DOP1B: variants seen among roughly 807,000 people sequenced by gnomAD.
DOP1B encodes protein DOP1B.
In DOP1B, 174 loss-of-function variants were observed where a neutral mutation model predicts 233.5. The ratio of observed to expected loss-of-function variants is 0.75; its 90% CI spans 0.66 to 0.85. The LOEUF is 0.85. Ranked by LOEUF, DOP1B falls within the 40% of genes least tolerant of loss-of-function variation. DOP1B has a pLI of 0.00. For synonymous variants in DOP1B, 1,190 were observed against 1,185.6 expected, an observed-to-expected ratio of 1.00 and a Z score of -0.08; for missense variants, 2,652 against 2,846.6, an observed-to-expected ratio of 0.93 and a Z score of 1.56.
In DOP1B at chr21:36,214,757, G is replaced by T. The variant is rs183438870; in HGVS notation, c.1129+201G>T. Among the ~76,000 whole-genome samples, 5 of 152,308 alleles carry T rather than the reference G, an allele frequency of 3.3e-5. No homozygotes were observed. In the East Asian group the frequency reaches 9.6e-4, roughly 29 times the overall value. On this transcript the variant is annotated intron_variant, in intron 9 of 36. Coordinates refer to ENST00000691173, the MANE Select transcript of DOP1B (RefSeq NM_001320714.2). ...AAGTTTTGCATGGCTGGGCGCAGTG[G>T]CTCATGCCTGTAATCCTAGCACTTT... is the stretch of plus-strand genomic sequence containing the variant.
At position 36,294,163 on chromosome 21, in the gene DOP1B, T is replaced by C. The variant is rs1181545419; in HGVS notation, c.*592T>C. The C allele has an allele frequency of 6.5e-6, 1 of 152,928 alleles. No homozygotes were observed. 9.5% of individuals were successfully genotyped at this position (152,928 alleles called of 1,614,324 possible). On this transcript the variant is annotated 3_prime_UTR_variant, in exon 37 of 37. Coordinates refer to ENST00000691173, the MANE Select transcript of DOP1B (RefSeq NM_001320714.2). ...TGTAATATGAAGTAAAGTATGAAGA[T>C]AATGAAGAAGTTGTTTTCTTTGTTG... is the stretch of plus-strand genomic sequence containing the variant.
chr21:36,251,096 T>C (rs2067027282), intron 21 of DOP1B, 66 bp from the exon 22 acceptor site: 1 of 1,556,040 alleles, frequency 6.4e-7, no homozygotes, highest in Non-Finnish European at 8.7e-7. Flanking sequence ...GCAGTGGTGG[T>C]TCAATGTATA....
At chr21:36,214,228 G>T (rs1213934557) in intron 8 of DOP1B, 38 bp downstream of exon 8, 1 of 1,532,514 alleles carries the variant, frequency 6.5e-7, no homozygotes, top group East Asian at 2.2e-5. Flanking sequence ...GGTATCCTTG[G>T]TGACGATTCT....
chr21:36,234,309 G>T (rs1223812393), intron 15 of DOP1B, among the ~76,000 whole-genome samples: 2 of 152,138 alleles, frequency 1.3e-5, no homozygotes, highest in Non-Finnish European at 2.9e-5. Flanking sequence ...TCAGAGATCA[G>T]AAAATTTGGC....
At chr21:36,261,546 G>A (rs1465771887) in intron 24 of DOP1B, 2 of 985,354 alleles carry the variant, frequency 2.0e-6, no homozygotes, top group Non-Finnish European at 2.4e-6. Context: ...TGAAAAAGAA[G>A]CTTTACTGGA....
chr21:36,274,054 G>A (rs1183507533), intron 27 of DOP1B, among the ~76,000 whole-genome samples: 1 of 152,042 alleles, frequency 6.6e-6, no homozygotes, highest in African/African-American at 2.4e-5. Flanking sequence ...CTCCAGCCTA[G>A]GCAACAGAGA....
At chr21:36,262,626 G>T (rs548302785) in intron 24 of DOP1B, among the ~76,000 whole-genome samples, 1 of 152,176 alleles carries the variant, frequency 6.6e-6, no homozygotes, top group East Asian at 1.9e-4. Flanking sequence ...GGTGGCTCAC[G>T]CTTGTAATCC....
intron 26 of DOP1B, among the ~76,000 whole-genome samples, chr21:36,267,603 G>A (rs1382469050): frequency 6.7e-6 from 1 of 149,298 alleles, no homozygotes; most frequent in African/African-American, 2.5e-5. Context: ...CTTGAGCCCA[G>A]GAGGTCGAGG....
At chr21:36,267,951 G>T (rs759558432) in intron 26 of DOP1B, among the ~76,000 whole-genome samples, 4 of 152,150 alleles carry the variant, frequency 2.6e-5, no homozygotes, top group Non-Finnish European at 4.4e-5. Flanking sequence ...GTCTAACAAA[G>T]ATCACATACT....
intron 2 of DOP1B, among the ~76,000 whole-genome samples, chr21:36,165,432 A>C (rs936401588): frequency 2.0e-5 from 3 of 152,090 alleles, no homozygotes; most frequent in African/African-American, 7.2e-5. Flanking sequence ...ACGTGTGTGC[A>C]TGTGTGTGTA....
Position 36,245,570 on chromosome 21 carries a change from A to G in DOP1B, c.3590A>G (p.Glu1197Gly), listed in dbSNP as rs201250977. 1 of 1,613,478 alleles carries G rather than the reference A, an allele frequency of 6.2e-7. No individual in the cohort carries two copies. Among genetic ancestry groups the G allele is most frequent in the East Asian group, 2.2e-5 (1 of 44,870 alleles). The stretch of plus-strand genomic sequence containing the variant: ...TCTGAGTCGTTCTCCAGCGACGAGG[A>G]GGCGGACTTGGAGCTCCAGGCCCTC... ...QASESFSSDE[E>G]ADLELQALTT... The change falls in exon 19 of 37, where the codon GAG becomes GGG. Residue 1197 changes from glutamate to glycine, a missense_variant. This residue lies in a region of DOP1B where 2,617 missense variants were observed against 2,794.3 expected (regional missense o/e 0.94). Transcript: ENST00000691173. This position sits in a 1 kb window ranked among gnomAD's most constrained non-coding sequence, Gnocchi z 5.5.
At position 36,289,067 on chromosome 21, in the gene DOP1B, A is replaced by G. The variant is rs1291373420; in HGVS notation, c.6376A>G (p.Thr2126Ala). 6.2e-7 allele frequency: 1 copy of G among 1,612,326 alleles called. No homozygotes were observed. The highest frequency in any genetic ancestry group is 1.7e-5 in the Admixed American group (1 of 59,428). The change falls in exon 35 of 37, where the codon ACG (threonine) becomes GCG (alanine). Residue 2126 changes from threonine (T) to alanine (A), a missense_variant. Transcript: ENST00000691173. Reference sequence around the variant, plus strand: ...TAGAAGCACCAACAAAGTAAACAGAACGAAAGTTTCAGTCCCGGATGCAAA... The same window carrying G: ...TAGAAGCACCAACAAAGTAAACAGAGCGAAAGTTTCAGTCCCGGATGCAAA... ...SLRSTNKVNR[T>A]KVSVPDANGP...
Position 36,237,158 on chromosome 21 carries a change from G to A in DOP1B, c.2623-104G>A. The A allele has an allele frequency of 2.8e-6, 4 of 1,451,452 alleles. No homozygotes were observed. In the South Asian group the frequency reaches 3.7e-5, roughly 13 times the overall value. The allele number at this position is 1,451,452 out of a possible 1,614,324, so 89.9% of individuals were successfully genotyped here. ...GGAGGATTCTCACATGGCAAGTATA[G>A]GTGAGATCCAGTATGTCGGGGCTGG... On this transcript the variant is annotated intron_variant, in intron 15 of 36. Transcript: ENST00000691173.
intron 26 of DOP1B, 151 bp from the exon 27 acceptor site, chr21:36,269,862 T>G (rs1317695469): frequency 9.2e-6 from 7 of 764,520 alleles, no homozygotes; most frequent in Non-Finnish European, 1.3e-5. Flanking sequence ...TGTTTATTTT[T>G]ACCTTCAATG....
chr21:36,236,573 G>C (rs1330275390), intron 15 of DOP1B, among the ~76,000 whole-genome samples: 1 of 152,024 alleles, frequency 6.6e-6, no homozygotes, highest in Non-Finnish European at 1.5e-5. Context: ...TGCCTGCTCG[G>C]CACCTGCCTG....
chr21:36,171,717 A>G (rs1393525430), intron 2 of DOP1B, among the ~76,000 whole-genome samples: 1 of 152,170 alleles, frequency 6.6e-6, no homozygotes, highest in East Asian at 1.9e-4. Context: ...TGACACCTTG[A>G]TTTCAGACTT....
At chr21:36,168,617 C>T (rs895246919) in intron 2 of DOP1B, among the ~76,000 whole-genome samples, 1 of 151,940 alleles carries the variant, frequency 6.6e-6, no homozygotes, top group Non-Finnish European at 1.5e-5. Flanking sequence ...ACCTCCACCT[C>T]CTGGGTTCAA....
intron 2 of DOP1B, among the ~76,000 whole-genome samples, chr21:36,167,161 G>A (rs970666494): frequency 2.0e-5 from 3 of 152,036 alleles, no homozygotes; most frequent in African/African-American, 7.2e-5. Context: ...TCTAAGAACA[G>A]CCTACTTTTT....
chr21:36,169,092 C>A, intron 2 of DOP1B: 1 of 853,856 alleles, frequency 1.2e-6, no homozygotes, highest in South Asian at 1.3e-5. Context: ...AACTTAAGGT[C>A]AGTCTTCTCC....
Sources: gnomAD v4.1 joint callset for allele counts (sites outside exome capture counted in the v4.1 genomes callset) on GRCh38, gnomAD v4.1.1 for gene constraint, gnomAD v4.1.1 regional missense constraint, Gnocchi (gnomAD v3.1) non-coding constraint, MANE v1.5 for transcripts, NCBI Gene and HGNC (gene_info 2026-07-23, HGNC 2026-07-21) for gene names.